Variants in NRCAM observed in about 807,000 individuals in gnomAD.
NRCAM encodes neuronal cell adhesion molecule, also known as NgCAM-related cell adhesion molecule.
NRCAM carries 83 observed loss-of-function variants against 156.5 expected under a neutral mutation model. The observed-to-expected ratio is 0.53, with a 90% CI of 0.44 to 0.64. The LOEUF is 0.64. Among genes scored for constraint, NRCAM ranks in the 30% least tolerant of loss-of-function variants. NRCAM has a pLI of 0.00. For missense variants in NRCAM, 1,417 were observed against 1,597.3 expected (o/e 0.89, Z 1.92); for synonymous variants, 538 against 563.9 (o/e 0.95, Z 0.65).
intron 2 of NRCAM, among the ~76,000 whole-genome samples, chr7:108,339,054 A>G (rs1347553384): frequency 6.6e-6 from 1 of 152,380 alleles, no homozygotes; most frequent in East Asian, 1.9e-4. Context: ...AAGGTAGCTT[A>G]CTAACTCAAA....
At chr7:108,190,622 A>G (rs149345800) in intron 19 of NRCAM, among the ~76,000 whole-genome samples, 1 of 152,334 alleles carries the variant, frequency 6.6e-6, no homozygotes, top group Admixed American at 6.5e-5. Context: ...CTGAATAAAG[A>G]TGAAGGTTCT....
intron 1 of NRCAM, among the ~76,000 whole-genome samples, chr7:108,446,212 T>A (rs1843986090): frequency 6.6e-6 from 1 of 152,206 alleles, no homozygotes; most frequent in South Asian, 2.1e-4. Flanking sequence ...AGAAATTTTT[T>A]AAATAGTACC....
At chr7:108,453,450 C>T (rs1247280161) in intron 1 of NRCAM, among the ~76,000 whole-genome samples, 1 of 152,146 alleles carries the variant, frequency 6.6e-6, no homozygotes, top group African/African-American at 2.4e-5. Context: ...TCCAAAGATG[C>T]TTTGCTTTCT....
intron 1 of NRCAM, among the ~76,000 whole-genome samples, chr7:108,454,825 T>C (rs921263198): frequency 1.3e-5 from 2 of 152,208 alleles, no homozygotes; most frequent in African/African-American, 2.4e-5. Context: ...GCCCAGTCTC[T>C]TAGACCCGCA....
chr7:108,212,660 A>G (rs1256449333), intron 11 of NRCAM, among the ~76,000 whole-genome samples: 1 of 152,170 alleles, frequency 6.6e-6, no homozygotes, highest in East Asian at 1.9e-4. Flanking sequence ...AAGAGCTTGA[A>G]GACAAAGTCT....
chr7:108,255,591 G>C (rs1449996888), intron 3 of NRCAM, among the ~76,000 whole-genome samples: 1 of 151,192 alleles, frequency 6.6e-6, no homozygotes, highest in African/African-American at 2.4e-5. Flanking sequence ...CCGCCACCCC[G>C]TCTGGGAAGT....
At chr7:108,364,000 A>G (rs1026982010) in intron 2 of NRCAM, among the ~76,000 whole-genome samples, 15 of 152,208 alleles carry the variant, frequency 9.9e-5, no homozygotes, top group African/African-American at 3.4e-4. Flanking sequence ...ATCTAAGGAA[A>G]TATGAATAAG....
intron 22 of NRCAM, among the ~76,000 whole-genome samples, chr7:108,183,621 C>G (rs569545576): frequency 6.6e-6 from 1 of 151,616 alleles, no homozygotes; most frequent in East Asian, 2.0e-4. Flanking sequence ...ACTGCAACCT[C>G]CGCCTCCTGG....
At chr7:108,314,564 C>T (rs896060907) in intron 2 of NRCAM, among the ~76,000 whole-genome samples, 1 of 152,136 alleles carries the variant, frequency 6.6e-6, no homozygotes, top group Non-Finnish European at 1.5e-5. Context: ...GCCCACAGTA[C>T]ACATAACAAA....
At chr7:108,362,785 G>C (rs763579062) in intron 2 of NRCAM, among the ~76,000 whole-genome samples, 1 of 151,826 alleles carries the variant, frequency 6.6e-6, no homozygotes, top group African/African-American at 2.4e-5. Context: ...AATATTTATA[G>C]ATATGTGTAT....
intron 3 of NRCAM, among the ~76,000 whole-genome samples, chr7:108,289,555 T>G (rs983463950): frequency 6.6e-6 from 1 of 152,168 alleles, no homozygotes. Flanking sequence ...GGGCAGAATC[T>G]TTGACTCATC....
chr7:108,197,089 G>T (rs772949695), intron 14 of NRCAM, among the ~76,000 whole-genome samples: 6 of 152,136 alleles, frequency 3.9e-5, no homozygotes, highest in Non-Finnish European at 5.9e-5. Flanking sequence ...GGAGGATGTT[G>T]TGTTAAGTGC....
At chr7:108,351,857 G>A (rs2099415208) in intron 2 of NRCAM, among the ~76,000 whole-genome samples, 1 of 151,512 alleles carries the variant, frequency 6.6e-6, no homozygotes, top group Non-Finnish European at 1.5e-5. Context: ...TGCATTTCCA[G>A]TGCAAACACT....
At chr7:108,182,619 G>C (rs2064153943) in intron 23 of NRCAM, 76 bp downstream of exon 23, 2 of 1,334,704 alleles carry the variant, frequency 1.5e-6, no homozygotes, top group South Asian at 1.2e-5. Context: ...TGCAACCTGA[G>C]CAAGGAGAAA....
intron 2 of NRCAM, among the ~76,000 whole-genome samples, chr7:108,390,659 G>C (rs1403602002): frequency 1.3e-5 from 2 of 152,088 alleles, no homozygotes; most frequent in Non-Finnish European, 2.9e-5. Context: ...TTTTAATTGT[G>C]ATGTTAGGGT....
At chr7:108,167,174 A>C (rs1051390769) in intron 29 of NRCAM, 101 bp from the exon 30 acceptor site, 3 of 801,086 alleles carry the variant, frequency 3.7e-6, no homozygotes, top group African/African-American at 3.5e-5. Context: ...TAAAGACAAG[A>C]TGTAGGATGC....
At chr7:108,167,689 A>G (rs1439817736) in intron 29 of NRCAM, among the ~76,000 whole-genome samples, 1 of 152,168 alleles carries the variant, frequency 6.6e-6, no homozygotes, top group African/African-American at 2.4e-5. Context: ...TGCACTTAGG[A>G]GGGGGGTACT....
At chr7:108,329,493 C>T (rs571976333) in intron 2 of NRCAM, among the ~76,000 whole-genome samples, 16 of 152,346 alleles carry the variant, frequency 1.1e-4, no homozygotes, top group Non-Finnish European at 1.6e-4. Context: ...AGGTTTATAA[C>T]TCATTCACCA....
chr7:108,317,275 AAAC>A (rs2098938074), intron 2 of NRCAM, among the ~76,000 whole-genome samples: 1 of 152,344 alleles, frequency 6.6e-6, no homozygotes, highest in Middle Eastern at 3.4e-3. Flanking sequence ...AACATAATAG[AAAC>A]TTTAAATGAA....
Sources: allele counts gnomAD v4.1 joint callset (sites outside exome capture counted in the v4.1 genomes callset), GRCh38; gene constraint gnomAD v4.1.1; transcripts MANE v1.5; gene names NCBI Gene and HGNC (gene_info 2026-07-23, HGNC 2026-07-21).